The following GRAMD2B variants were observed in gnomAD, a reference collection of about 807,000 sequenced individuals.
GRAMD2B encodes GRAM domain containing 2B.
In GRAMD2B, 41 loss-of-function variants were observed where a neutral mutation model predicts 59.2. The observed-to-expected ratio is 0.69, with a 90% CI of 0.54 to 0.90. GRAMD2B has a LOEUF of 0.90. GRAMD2B is among the 40% of genes least tolerant of loss of function. The probability of loss-of-function intolerance (pLI) is 0.00; values close to 1 mark genes in which losing one functional copy is unlikely to be tolerated. For synonymous variants in GRAMD2B, 161 were observed against 182.7 expected (o/e 0.88, Z 0.96); for missense variants, 424 against 500.5 (o/e 0.85, Z 1.46).
upstream of GRAMD2B, among the ~76,000 whole-genome samples, chr5:126,420,112 A>G (rs1018175780): frequency 2.0e-5 from 3 of 151,938 alleles, no homozygotes; most frequent in Non-Finnish European, 2.9e-5. Flanking sequence ...TTGCTTTTAA[A>G]AACAAGAATT....
intron 1 of GRAMD2B, among the ~76,000 whole-genome samples, chr5:126,430,667 A>G (rs1175630722): frequency 6.6e-6 from 1 of 152,184 alleles, no homozygotes; most frequent in East Asian, 1.9e-4. Flanking sequence ...CTTTTACTCT[A>G]TAAATATATG....
upstream of GRAMD2B, chr5:126,423,092 C>A: frequency 1.1e-6 from 1 of 895,040 alleles, no homozygotes; most frequent in Non-Finnish European, 1.3e-6. Context: ...TAGGCCAGCC[C>A]ACACAGCGCA....
At chr5:126,422,820 G>C (rs1021330344), upstream of GRAMD2B, among the ~76,000 whole-genome samples, 1 of 152,124 alleles carries the variant, frequency 6.6e-6, no homozygotes, top group Non-Finnish European at 1.5e-5. Context: ...GAGACGGCTT[G>C]GGAATTATCA....
At chr5:126,411,331 CTAT>C (rs1428726324) in intron 1 of GRAMD2B, among the ~76,000 whole-genome samples, 2 of 151,936 alleles carry the variant, frequency 1.3e-5, no homozygotes, top group African/African-American at 2.4e-5. Context: ...GGCTAGCTAG[CTAT>C]CCCAGCACCA....
intron 12 of GRAMD2B, 63 bp from the exon 13 acceptor site, chr5:126,488,736 T>C: frequency 9.1e-7 from 1 of 1,100,914 alleles, no homozygotes; most frequent in Non-Finnish European, 1.4e-6. Context: ...ATTTTAAATG[T>C]GTTCATTCCA....
chr5:126,458,059 T>C (rs964736305), intron 1 of GRAMD2B, among the ~76,000 whole-genome samples: 3 of 152,200 alleles, frequency 2.0e-5, no homozygotes, highest in Non-Finnish European at 4.4e-5. Context: ...TACTTTCTTG[T>C]TGGTTCATCT....
intron 1 of GRAMD2B, among the ~76,000 whole-genome samples, chr5:126,429,238 A>G (rs1761145598): frequency 6.6e-6 from 1 of 152,226 alleles, no homozygotes; most frequent in Admixed American, 6.5e-5. Flanking sequence ...TTGCAGGGAC[A>G]TGAATGGAGC....
intron 9 of GRAMD2B, among the ~76,000 whole-genome samples, chr5:126,483,980 C>A (rs1464513517): frequency 1.3e-5 from 2 of 152,220 alleles, no homozygotes; most frequent in Non-Finnish European, 2.9e-5. Context: ...AGGCATGCGC[C>A]ATCAAGCCCG....
chr5:126,488,702 TA>T, intron 12 of GRAMD2B, 96 bp from the exon 13 acceptor site: 2 of 816,884 alleles, frequency 2.4e-6, no homozygotes, highest in South Asian at 1.8e-5. Flanking sequence ...TCTTCTATTA[TA>T]AACCAATTTT....
At chr5:126,372,090 C>T (rs1744471871) in intron 1 of GRAMD2B, among the ~76,000 whole-genome samples, 1 of 152,178 alleles carries the variant, frequency 6.6e-6, no homozygotes, top group Admixed American at 6.5e-5. Flanking sequence ...AGAACATATT[C>T]ATTTTAGCTA....
chr5:126,442,478 G>A (rs1763462929), intron 1 of GRAMD2B, among the ~76,000 whole-genome samples: 1 of 151,888 alleles, frequency 6.6e-6, no homozygotes, highest in African/African-American at 2.4e-5. Context: ...TTTTAGTAGA[G>A]ATGGGGTTTC....
chr5:126,452,029 T>C (rs1390986816), intron 1 of GRAMD2B, among the ~76,000 whole-genome samples: 2 of 152,172 alleles, frequency 1.3e-5, no homozygotes, highest in Non-Finnish European at 2.9e-5. Context: ...CTATGCTTCC[T>C]AGACAGCCTG....
chr5:126,420,910 A>ATATGCT (rs1474343909), upstream of GRAMD2B, among the ~76,000 whole-genome samples: 5 of 152,368 alleles, frequency 3.3e-5, no homozygotes, highest in East Asian at 7.7e-4. Flanking sequence ...GCCAAAAAAA[A>ATATGCT]ATGAAATTTG....
At chr5:126,435,849 A>T (rs548717382) in intron 1 of GRAMD2B, among the ~76,000 whole-genome samples, 4 of 152,264 alleles carry the variant, frequency 2.6e-5, no homozygotes, top group African/African-American at 9.6e-5. Flanking sequence ...CTAGGTAAAC[A>T]TATACCTGTT....
intron 1 of GRAMD2B, among the ~76,000 whole-genome samples, chr5:126,392,263 T>C (rs1756881667): frequency 6.6e-6 from 1 of 152,182 alleles, no homozygotes; most frequent in African/African-American, 2.4e-5. Context: ...CTCACCATTA[T>C]TCGACTCATG....
At chr5:126,437,675 CA>C (rs1762637084) in intron 1 of GRAMD2B, among the ~76,000 whole-genome samples, 1 of 152,060 alleles carries the variant, frequency 6.6e-6, no homozygotes, top group Non-Finnish European at 1.5e-5. Context: ...AACAACCAAA[CA>C]AAATAAAACA....
In GRAMD2B at chr5:126,361,857, A is replaced by G. The variant is rs79966182; in HGVS notation, c.128+1398A>G. On this transcript the variant is annotated intron_variant, in intron 1 of 13. Coordinates refer to the GRAMD2B transcript ENST00000513040. ...TGTGGAGGAGTTGGTAAGCCTCTAT[A>G]TCTGTGTTTGAGTGTCACAAACTGT... is the stretch of plus-strand genomic sequence containing the variant. 2.9e-3 allele frequency among the ~76,000 whole-genome samples: 436 copies of G among 152,248 alleles called. 3 individuals are homozygous for G. The highest frequency in any genetic ancestry group is 4.8e-3 in the Non-Finnish European group (325 of 68,008).
At chr5:126,468,222 A>G (rs1335100714) in intron 2 of GRAMD2B, among the ~76,000 whole-genome samples, 2 of 152,198 alleles carry the variant, frequency 1.3e-5, no homozygotes, top group South Asian at 2.1e-4. Flanking sequence ...GTACACATCC[A>G]CTAAAATGGA....
At chr5:126,439,894 AG>A (rs1320900965) in intron 1 of GRAMD2B, among the ~76,000 whole-genome samples, 1 of 152,108 alleles carries the variant, frequency 6.6e-6, no homozygotes, top group African/African-American at 2.4e-5. Flanking sequence ...GGTTTTATAA[AG>A]GGTAGTTCCC....
Sources: allele counts gnomAD v4.1 joint callset (sites outside exome capture counted in the v4.1 genomes callset), GRCh38; gene constraint gnomAD v4.1.1; transcripts MANE v1.5; gene names NCBI Gene and HGNC (gene_info 2026-07-23, HGNC 2026-07-21).